Variants in IL1RAPL2 observed in about 807,000 individuals in gnomAD.
IL1RAPL2 encodes the protein interleukin 1 receptor accessory protein like 2, also known as X-linked interleukin-1 receptor accessory protein-like 2.
In IL1RAPL2, 3 loss-of-function variants were observed where a neutral mutation model predicts 44.1. The observed-to-expected ratio is 0.07, with a 90% confidence interval of 0.03 to 0.18. The LOEUF (loss-of-function observed/expected upper bound fraction) is 0.18. IL1RAPL2 is among the 10% of genes least tolerant of loss of function. IL1RAPL2 has a pLI of 1.00. For synonymous variants in IL1RAPL2, 181 were observed against 178.8 expected (o/e 1.01, Z -0.10); for missense variants, 391 against 496.4 (o/e 0.79, Z 2.02).
At chrX:105,640,743 G>GATGAT (rs2037562048) in intron 6 of IL1RAPL2, among the ~76,000 whole-genome samples, 1 of 77,227 alleles carries the variant, frequency 1.3e-5, no homozygotes, top group African/African-American at 4.7e-5. Context: ...TATAGATATA[G>GATGAT]ATAGATATAG....
chrX:105,051,773 T>C (rs2031929648), intron 2 of IL1RAPL2, among the ~76,000 whole-genome samples: 1 of 112,433 alleles, frequency 8.9e-6, no homozygotes, highest in African/African-American at 3.2e-5. Context: ...CAGTTTCAGC[T>C]AGAACAACTA....
intron 6 of IL1RAPL2, among the ~76,000 whole-genome samples, chrX:105,573,012 T>A (rs2037025674): frequency 9.0e-6 from 1 of 111,148 alleles, no homozygotes; most frequent in African/African-American, 3.3e-5. Context: ...GTTTAAACTT[T>A]ATCCTGAGAG....
At chrX:105,539,474 C>G (rs1046689338) in intron 6 of IL1RAPL2, among the ~76,000 whole-genome samples, 1 of 111,506 alleles carries the variant, frequency 9.0e-6, no homozygotes, top group Admixed American at 9.5e-5. Flanking sequence ...TAGCCACATA[C>G]AGAAGAATGA....
intron 6 of IL1RAPL2, among the ~76,000 whole-genome samples, chrX:105,712,674 C>T (rs752227188): frequency 9.0e-6 from 1 of 111,293 alleles, no homozygotes; most frequent in Non-Finnish European, 1.9e-5. Context: ...GATACAATCA[C>T]CTCCAACCTG....
chrX:104,737,365 C>G (rs1932031789), intron 2 of IL1RAPL2, among the ~76,000 whole-genome samples: 1 of 112,420 alleles, frequency 8.9e-6, no homozygotes, highest in Non-Finnish European at 1.9e-5. Context: ...GATTTTGATA[C>G]TGCTGAAATA....
chrX:104,920,101 CT>C (rs777475031), intron 2 of IL1RAPL2, among the ~76,000 whole-genome samples: 1 of 111,044 alleles, frequency 9.0e-6, no homozygotes, highest in African/African-American at 3.3e-5. Flanking sequence ...CAGATCATTT[CT>C]TCTCCTCCTC....
intron 9 of IL1RAPL2, among the ~76,000 whole-genome samples, chrX:105,751,167 G>A (rs1051716178): frequency 1.6e-4 from 18 of 110,429 alleles, no homozygotes; most frequent in African/African-American, 5.6e-4. Context: ...CCAGATAGTC[G>A]TGGGGGCCGA....
chrX:104,739,613 C>T (rs1932069760), intron 2 of IL1RAPL2, among the ~76,000 whole-genome samples: 1 of 111,789 alleles, frequency 8.9e-6, no homozygotes, highest in Admixed American at 9.5e-5. Flanking sequence ...GAGGCTGAAA[C>T]TGTTATGGAG....
chrX:105,303,487 A>C (rs1196973684), intron 5 of IL1RAPL2, among the ~76,000 whole-genome samples: 2 of 112,149 alleles, frequency 1.8e-5, no homozygotes, highest in Non-Finnish European at 3.8e-5. Flanking sequence ...AACATTCCCC[A>C]TATCAGCAGA....
At chrX:104,954,688 C>T (rs778861383) in intron 2 of IL1RAPL2, among the ~76,000 whole-genome samples, 4 of 111,951 alleles carry the variant, frequency 3.6e-5, no homozygotes, top group South Asian at 7.4e-4. Context: ...AGGCACTGAC[C>T]GCCACACCTG....
chrX:105,513,216 C>T (rs773199019), intron 6 of IL1RAPL2, among the ~76,000 whole-genome samples: 1 of 111,615 alleles, frequency 9.0e-6, no homozygotes, highest in African/African-American at 3.3e-5. Flanking sequence ...GTGAATAATG[C>T]CGCAATAAAC....
intron 10 of IL1RAPL2, among the ~76,000 whole-genome samples, chrX:105,760,233 TCAAA>T (rs747929309): frequency 2.2e-4 from 24 of 111,432 alleles, no homozygotes; most frequent in East Asian, 8.5e-4. Flanking sequence ...AACAGGCATC[TCAAA>T]CAAACAAACA....
chrX:105,569,762 T>C (rs767826469), intron 6 of IL1RAPL2, among the ~76,000 whole-genome samples: 12 of 111,702 alleles, frequency 1.1e-4, no homozygotes, highest in African/African-American at 2.9e-4. Flanking sequence ...TTCTGACTTA[T>C]AGATACACTC....
At chrX:105,355,422 A>C (rs2035194339) in intron 5 of IL1RAPL2, among the ~76,000 whole-genome samples, 1 of 111,331 alleles carries the variant, frequency 9.0e-6, no homozygotes, top group Non-Finnish European at 1.9e-5. Flanking sequence ...CACTGCCTGC[A>C]ATACTCTTCC....
chrX:104,579,448 C>A (rs1928301914), intron 1 of IL1RAPL2, among the ~76,000 whole-genome samples: 1 of 112,078 alleles, frequency 8.9e-6, no homozygotes, highest in Non-Finnish European at 1.9e-5. Flanking sequence ...TTTGCACCAA[C>A]ACAGATGGAC....
At chrX:105,430,240 T>C (rs2035838486) in intron 5 of IL1RAPL2, among the ~76,000 whole-genome samples, 1 of 111,541 alleles carries the variant, frequency 9.0e-6, no homozygotes, top group African/African-American at 3.3e-5. Context: ...TACCTGGCAT[T>C]TGTGCTGCCA....
At chrX:105,028,586 G>T (rs2031418956) in intron 2 of IL1RAPL2, among the ~76,000 whole-genome samples, 1 of 111,395 alleles carries the variant, frequency 9.0e-6, no homozygotes, top group African/African-American at 3.3e-5. Context: ...TGTGTGAGTA[G>T]CACCATGAGG....
At chrX:105,588,581 C>A (rs865924489) in intron 6 of IL1RAPL2, among the ~76,000 whole-genome samples, 3 of 109,366 alleles carry the variant, frequency 2.7e-5, no homozygotes, top group Admixed American at 9.8e-5. Context: ...CTATTGTTCC[C>A]TTTTTGTGTC....
At chrX:104,569,475 C>G (rs1172115691) in intron 1 of IL1RAPL2, among the ~76,000 whole-genome samples, 1 of 112,042 alleles carries the variant, frequency 8.9e-6, no homozygotes, top group Non-Finnish European at 1.9e-5. Context: ...TCCATACACA[C>G]ATATGCTGCT....
Sources: gnomAD v4.1 joint callset for allele counts (sites outside exome capture counted in the v4.1 genomes callset) on GRCh38, gnomAD v4.1.1 for gene constraint, MANE v1.5 for transcripts, NCBI Gene and HGNC (gene_info 2026-07-23, HGNC 2026-07-21) for gene names.